PGM2L1: variants seen among roughly 807,000 people sequenced by gnomAD.
The protein encoded by PGM2L1 is glucose 1,6-bisphosphate synthase.
A neutral mutation model predicts 73.4 loss-of-function variants in PGM2L1; 35 were observed. The observed-to-expected ratio is 0.48, with a 90% confidence interval of 0.36 to 0.63. The LOEUF is 0.63. Among genes scored for constraint, PGM2L1 ranks in the 30% least tolerant of loss-of-function variants. PGM2L1 has a pLI of 0.00. For missense variants in PGM2L1, 570 were observed against 742.0 expected (o/e 0.77, Z 2.69); for synonymous variants, 225 against 253.8 (o/e 0.89, Z 1.08).
intron 2 of PGM2L1, among the ~76,000 whole-genome samples, chr11:74,373,718 T>G (rs1189793045): frequency 2.0e-5 from 3 of 152,244 alleles, no homozygotes; most frequent in Non-Finnish European, 4.4e-5. Flanking sequence ...TTCCAAATAC[T>G]CTGGTTAACC....
chr11:74,383,824 A>AATATATATATATAT (rs377358856), intron 1 of PGM2L1, among the ~76,000 whole-genome samples: 13,820 of 121,448 alleles, frequency 0.11, 1,036 homozygotes, highest in Non-Finnish European at 0.15. Flanking sequence ...TATATAAATA[A>AATATATATATATAT]ATATATATAT....
intron 2 of PGM2L1, 133 bp downstream of exon 2, chr11:74,374,282 C>T: frequency 1.5e-6 from 1 of 659,912 alleles, no homozygotes; most frequent in Non-Finnish European, 2.3e-6. Flanking sequence ...CGGGGTTTCA[C>T]CATGTTGGCC....
intron 12 of PGM2L1, 79 bp downstream of exon 12, chr11:74,342,382 T>TCTGTC: frequency 8.9e-7 from 1 of 1,123,366 alleles, no homozygotes; most frequent in Non-Finnish European, 1.2e-6. Flanking sequence ...TCATGTGAAA[T>TCTGTC]CTGTCCTGCC....
chr11:74,371,824 C>A lies in PGM2L1; in HGVS notation c.280-7G>T. 1.9e-6 allele frequency: 3 copies of A among 1,583,518 alleles called. No homozygotes were observed. The highest frequency in any genetic ancestry group is 2.6e-6 in the Non-Finnish European group (3 of 1,152,448). On this transcript the variant is annotated splice_region_variant and splice_polypyrimidine_tract_variant and intron_variant, in intron 2 of 13. Transcript: ENST00000298198. The stretch of plus-strand genomic sequence containing the variant: ...CAAGGTATTTGTACATCCCCTGAAG[C>A]AAATAAACACAAAAGATTAGTTCTA...
At chr11:74,357,900 G>A (rs1005368437) in intron 5 of PGM2L1, among the ~76,000 whole-genome samples, 7 of 152,146 alleles carry the variant, frequency 4.6e-5, no homozygotes, top group South Asian at 2.1e-4. Context: ...GAATTACTAC[G>A]TGAAAGAAGC....
chr11:74,342,782 T>C, intron 11 of PGM2L1, 103 bp downstream of exon 11: 1 of 1,404,128 alleles, frequency 7.1e-7, no homozygotes, highest in Non-Finnish European at 9.6e-7. Context: ...TTTAATACTT[T>C]TTAAAAAAGG....
At chr11:74,363,349 C>T (rs565528557) in intron 5 of PGM2L1, among the ~76,000 whole-genome samples, 1 of 152,164 alleles carries the variant, frequency 6.6e-6, no homozygotes, top group South Asian at 2.1e-4. Context: ...CAAGAGCAAA[C>T]ACATTCAAAA....
chr11:74,359,845 T>C (rs1423695599), intron 5 of PGM2L1, among the ~76,000 whole-genome samples: 2 of 152,200 alleles, frequency 1.3e-5, no homozygotes, highest in Non-Finnish European at 2.9e-5. Flanking sequence ...ACAGATACTT[T>C]CTACTGTTTC....
chr11:74,375,886 G>A (rs1007855641), intron 1 of PGM2L1, among the ~76,000 whole-genome samples: 1 of 152,102 alleles, frequency 6.6e-6, no homozygotes, highest in Non-Finnish European at 1.5e-5. Flanking sequence ...AACAATATCT[G>A]GGATATTATC....
At chr11:74,354,741 C>CCA in intron 5 of PGM2L1, 1 of 1,043,366 alleles carries the variant, frequency 9.6e-7, no homozygotes, top group Non-Finnish European at 1.5e-6. Flanking sequence ...CACCAGGTGC[C>CCA]CACTTAACTG....
At position 74,398,172 on chromosome 11, in the gene PGM2L1, C is replaced by A; in HGVS notation, c.-11G>T. On this transcript the variant is annotated 5_prime_UTR_variant, in exon 1 of 14. Transcript: ENST00000298198. ...TGTGTTTTCAGCCATGGCGACCAGA[C>A]AGGCGTACGGGCCGGGGGCCGGCGA... The A allele has an allele frequency of 1.2e-6, 2 of 1,605,464 alleles. No individual in the cohort carries two copies. Among genetic ancestry groups the A allele is most frequent in the Non-Finnish European group, 1.7e-6 (2 of 1,175,262 alleles).
chr11:74,360,800 T>C lies in PGM2L1; in HGVS notation c.555+7692A>G, dbSNP rs544708431. On this transcript the variant is annotated intron_variant, in intron 5 of 13. Coordinates refer to ENST00000298198, the MANE Select transcript of PGM2L1 (RefSeq NM_173582.6). ...TCCCATGCCCACAGAGCCTCGCTCA[T>C]TGTTAGCACAGCAGTCTGAGATAGA... 1.7e-3 allele frequency among the ~76,000 whole-genome samples: 263 copies of C among 152,312 alleles called. 1 individual carries two copies. The highest frequency in any genetic ancestry group is 2.6e-3 in the Non-Finnish European group (174 of 68,020).
At chr11:74,351,613 A>T in intron 5 of PGM2L1, 37 bp from the exon 6 acceptor site, 1 of 1,510,756 alleles carries the variant, frequency 6.6e-7, no homozygotes, top group Non-Finnish European at 9.0e-7. Flanking sequence ...ATTACTTAAA[A>T]TGCTTGCCAG....
chr11:74,362,267 T>C (rs1319171492), intron 5 of PGM2L1, among the ~76,000 whole-genome samples: 1 of 152,194 alleles, frequency 6.6e-6, no homozygotes, highest in Non-Finnish European at 1.5e-5. Context: ...AAAAGAATTT[T>C]CAACCCAGAA....
At chr11:74,383,682 G>A (rs1488608085) in intron 1 of PGM2L1, among the ~76,000 whole-genome samples, 5 of 151,858 alleles carry the variant, frequency 3.3e-5, no homozygotes, top group African/African-American at 1.2e-4. Flanking sequence ...CCACTTGTAA[G>A]TGAGAACATG....
At position 74,398,199 on chromosome 11, in the gene PGM2L1, G is replaced by T; in HGVS notation, c.-38C>A. On this transcript the variant is annotated 5_prime_UTR_variant, in exon 1 of 14. Transcript: ENST00000298198. ...GGCGTACGGGCCGGGGGCCGGCGAA[G>T]ACACTGAGTTGGGGTGGGGGGTGGC... 11 of 1,585,400 alleles carry T rather than the reference G, an allele frequency of 6.9e-6. No homozygotes were observed. The highest frequency in any genetic ancestry group is 7.7e-6 in the Non-Finnish European group (9 of 1,164,584).
chr11:74,355,126 G>A (rs1211405596), intron 5 of PGM2L1: 2 of 1,329,928 alleles, frequency 1.5e-6, no homozygotes, highest in South Asian at 1.2e-5. Flanking sequence ...GGTTGTGGTG[G>A]CTTTGGTGGC....
At chr11:74,359,224 A>T (rs955887598) in intron 5 of PGM2L1, among the ~76,000 whole-genome samples, 1 of 152,000 alleles carries the variant, frequency 6.6e-6, no homozygotes, top group African/African-American at 2.4e-5. Context: ...TTTGCTTCTG[A>T]TCATCTGCTA....
intron 1 of PGM2L1, among the ~76,000 whole-genome samples, chr11:74,391,876 T>C (rs1031572377): frequency 6.6e-6 from 1 of 152,200 alleles, no homozygotes; most frequent in African/African-American, 2.4e-5. Context: ...TTTCTGCCAG[T>C]CTCCTCTTAA....
Sources: allele counts gnomAD v4.1 joint callset (sites outside exome capture counted in the v4.1 genomes callset), GRCh38; gene constraint gnomAD v4.1.1; transcripts MANE v1.5; gene names NCBI Gene and HGNC (gene_info 2026-07-23, HGNC 2026-07-21).